The following ACACA variants were observed in gnomAD, a reference collection of about 807,000 sequenced individuals.
ACACA encodes the protein acetyl-CoA carboxylase 1.
In ACACA, 103 loss-of-function variants were observed where a neutral mutation model predicts 296.1. The observed-to-expected ratio is 0.35, with a 90% CI of 0.30 to 0.41. The LOEUF is 0.41. Among genes scored for constraint, ACACA ranks in the 10% least tolerant of loss-of-function variants. The pLI, the probability that ACACA is intolerant of heterozygous loss-of-function variation, is 1.00. For synonymous variants in ACACA, 953 were observed against 1,038.6 expected (o/e 0.92, Z 1.58); for missense variants, 1,554 against 2,989.7 (o/e 0.52, Z 11.20).
intron 36 of ACACA, 78 bp from the exon 37 acceptor site, chr17:37,192,383 G>C (rs1040550354): frequency 1.5e-6 from 2 of 1,319,386 alleles, no homozygotes; most frequent in Non-Finnish European, 2.1e-6. Flanking sequence ...ATGTAAAAGA[G>C]ATGCCTGAAA....
chr17:37,391,839 A>G, intron 1 of ACACA: 1 of 955,216 alleles, frequency 1.0e-6, no homozygotes, highest in Non-Finnish European at 1.7e-6. Flanking sequence ...TTACAATCAA[A>G]CACCAATTCC....
intron 30 of ACACA, among the ~76,000 whole-genome samples, chr17:37,208,246 T>TA (rs2145413021): frequency 6.6e-6 from 1 of 152,180 alleles, no homozygotes; most frequent in Admixed American, 6.5e-5. Context: ...TGTAATAGAG[T>TA]AAGTATTCAC....
At chr17:37,260,824 G>A (rs1598343505) in intron 11 of ACACA, among the ~76,000 whole-genome samples, 2 of 152,208 alleles carry the variant, frequency 1.3e-5, no homozygotes, top group South Asian at 4.2e-4. Flanking sequence ...ACTTCCACCA[G>A]CCCTGAAAAG....
rs1006229974 is a variant in ACACA at position 37,213,994 on chromosome 17, G to GA, written c.3684-3505dup. Among the ~76,000 whole-genome samples, 24 of 146,118 alleles carry GA rather than the reference G, an allele frequency of 1.6e-4. No individual in the cohort carries two copies. In the East Asian group the frequency reaches 2.8e-3, roughly 17 times the overall value. ...TTCTTTTGCTTCCTAACTTGAAGAA[G>GA]AAAAAAAAAAGAGCCCATATGAAAA... On this transcript the variant is annotated intron_variant, in intron 29 of 55. Transcript: ENST00000616317.
chr17:37,357,124 C>A (rs1482587305), intron 1 of ACACA, among the ~76,000 whole-genome samples: 3 of 152,204 alleles, frequency 2.0e-5, no homozygotes, highest in African/African-American at 7.2e-5. Flanking sequence ...ATAAATGCCA[C>A]CATTTCCCAA....
At chr17:37,136,022 C>T (rs1401635391) in intron 45 of ACACA, among the ~76,000 whole-genome samples, 1 of 148,584 alleles carries the variant, frequency 6.7e-6, no homozygotes. Flanking sequence ...GCTGGGATTA[C>T]AGACATGAGC....
chr17:37,361,622 C>T (rs2049408961), intron 1 of ACACA, among the ~76,000 whole-genome samples: 1 of 152,162 alleles, frequency 6.6e-6, no homozygotes, highest in South Asian at 2.1e-4. Flanking sequence ...AATGCTAAGA[C>T]AGCTGGGCAG....
At chr17:37,158,356 C>T (rs1015914851) in intron 42 of ACACA, among the ~76,000 whole-genome samples, 9 of 152,078 alleles carry the variant, frequency 5.9e-5, no homozygotes, top group Non-Finnish European at 1.2e-4. Flanking sequence ...AGGCTGGGTG[C>T]GGTGGTTCAC....
chr17:37,186,096 AG>A (rs1158194562), intron 39 of ACACA, among the ~76,000 whole-genome samples: 3 of 152,252 alleles, frequency 2.0e-5, no homozygotes, highest in Admixed American at 6.5e-5. Flanking sequence ...TGATAGTAAT[AG>A]GAGTTCCTGA....
At chr17:37,129,584 T>A in intron 46 of ACACA, 99 bp from the exon 47 acceptor site, 1 of 1,493,966 alleles carries the variant, frequency 6.7e-7, no homozygotes, top group Non-Finnish European at 9.2e-7. Flanking sequence ...AGGGCCCACG[T>A]ATGGAATTGC....
intron 5 of ACACA, among the ~76,000 whole-genome samples, chr17:37,280,759 A>ACACC (rs1555627693): frequency 6.6e-6 from 1 of 151,554 alleles, no homozygotes; most frequent in African/African-American, 2.4e-5. Context: ...ACACACACAC[A>ACACC]CACCCCAAAA....
intron 3 of ACACA, among the ~76,000 whole-genome samples, chr17:37,327,257 A>C (rs2047664595): frequency 6.6e-6 from 1 of 151,506 alleles, no homozygotes; most frequent in Non-Finnish European, 1.5e-5. Context: ...TCACACACCT[A>C]ATTAGTGGCA....
chr17:37,092,070 G>A (rs1464799534), intron 54 of ACACA, among the ~76,000 whole-genome samples: 1 of 151,678 alleles, frequency 6.6e-6, no homozygotes, highest in African/African-American at 2.4e-5. Flanking sequence ...GGGAATTGCT[G>A]GAGTCCAGGA....
intron 25 of ACACA, 30 bp downstream of exon 25, chr17:37,234,945 T>G (rs1305415712): frequency 1.2e-6 from 2 of 1,613,216 alleles, no homozygotes; most frequent in Non-Finnish European, 1.7e-6. Flanking sequence ...TCATTGACGG[T>G]CTTTACAAGT....
At chr17:37,242,908 G>C (rs570876746) in intron 22 of ACACA, among the ~76,000 whole-genome samples, 1 of 152,038 alleles carries the variant, frequency 6.6e-6, no homozygotes, top group Non-Finnish European at 1.5e-5. Context: ...GGCAGCGTGT[G>C]AATGTAATCC....
chr17:37,103,405 A>G (rs2073478139), intron 52 of ACACA, among the ~76,000 whole-genome samples: 1 of 152,216 alleles, frequency 6.6e-6, no homozygotes, highest in Admixed American at 6.5e-5. Flanking sequence ...CAATGCTGTA[A>G]GCTCCCTGTA....
chr17:37,242,109 C>T (rs2080442449), intron 22 of ACACA, 56 bp from the exon 23 acceptor site: 1 of 1,342,070 alleles, frequency 7.5e-7, no homozygotes. Context: ...TGCCCCAAAG[C>T]ATCAGCCTCT....
intron 1 of ACACA, among the ~76,000 whole-genome samples, chr17:37,355,034 G>A (rs114466532): frequency 0.011 from 1,712 of 151,134 alleles, 36 homozygotes; most frequent in African/African-American, 0.038. Flanking sequence ...ATTACCTGAC[G>A]TCAGTTAGAG....
At chr17:37,349,115 C>T (rs2048769286) in intron 1 of ACACA, among the ~76,000 whole-genome samples, 1 of 150,750 alleles carries the variant, frequency 6.6e-6, no homozygotes, top group Non-Finnish European at 1.5e-5. Flanking sequence ...GATGTGAGTG[C>T]AGTGGCGTGA....
Sources: gnomAD v4.1 joint callset for allele counts (sites outside exome capture counted in the v4.1 genomes callset) on GRCh38, gnomAD v4.1.1 for gene constraint, MANE v1.5 for transcripts, NCBI Gene and HGNC (gene_info 2026-07-23, HGNC 2026-07-21) for gene names.